The following DOK6 variants were observed in gnomAD, a reference collection of about 807,000 sequenced individuals.
DOK6 encodes downstream of tyrosine kinase 6.
DOK6 carries 22 observed loss-of-function variants against 44.0 expected under a neutral mutation model. The observed-to-expected ratio is 0.50, with a 90% CI of 0.36 to 0.71. The LOEUF (loss-of-function observed/expected upper bound fraction) is 0.71. Among genes scored for constraint, DOK6 ranks in the 30% least tolerant of loss-of-function variants. DOK6 has a pLI of 0.00. For synonymous variants in DOK6, 166 were observed against 145.5 expected, an observed-to-expected ratio of 1.14 and a Z score of -1.01; for missense variants, 340 against 416.4, an observed-to-expected ratio of 0.82 and a Z score of 1.60.
chr18:69,554,224 C>G (rs1982634487), intron 1 of DOK6, among the ~76,000 whole-genome samples: 1 of 152,076 alleles, frequency 6.6e-6, no homozygotes, highest in Admixed American at 6.6e-5. Context: ...TATCAAGAAA[C>G]AGAACTTTGT....
At chr18:69,741,881 C>T (rs1018456139) in intron 6 of DOK6, among the ~76,000 whole-genome samples, 3 of 151,920 alleles carry the variant, frequency 2.0e-5, no homozygotes, top group African/African-American at 7.3e-5. Flanking sequence ...TTTAAAATAA[C>T]AAAATTGTAA....
intron 3 of DOK6, among the ~76,000 whole-genome samples, chr18:69,600,666 CTAGTATT>C (rs1983850531): frequency 6.6e-6 from 1 of 151,838 alleles, no homozygotes; most frequent in Non-Finnish European, 1.5e-5. Flanking sequence ...CATATTAAAA[CTAGTATT>C]TAAAAAAAAA....
At chr18:69,784,716 GA>G (rs1018439193) in intron 7 of DOK6, among the ~76,000 whole-genome samples, 9 of 151,914 alleles carry the variant, frequency 5.9e-5, no homozygotes, top group Admixed American at 1.3e-4. Flanking sequence ...TCCATAGGGA[GA>G]AAAAAATCTA....
rs555907629 is a variant in DOK6 at position 69,403,229 on chromosome 18, C to T, written c.66+1919C>T. ...AGCCTGAGCATCCCCTTCCTGCGCA[C>T]TTGGCCCTGGAGTCTATAGGATTCC... On this transcript the variant is annotated intron_variant, in intron 1 of 7. Coordinates refer to ENST00000382713, the MANE Select transcript of DOK6 (RefSeq NM_152721.6). Among the ~76,000 whole-genome samples, 123 of 152,266 alleles carry T rather than the reference C, an allele frequency of 8.1e-4. 2 individuals carry two copies. The South Asian group carries it at 0.025, about 30-fold the overall frequency.
At chr18:69,449,550 TA>T (rs1390333312) in intron 1 of DOK6, among the ~76,000 whole-genome samples, 4 of 152,186 alleles carry the variant, frequency 2.6e-5, no homozygotes, top group Non-Finnish European at 5.9e-5. Context: ...TGTATGAAAA[TA>T]GCTGTGGAAG....
At chr18:69,509,637 CAAAAAAAAAAA>C (rs1183367298) in intron 1 of DOK6, among the ~76,000 whole-genome samples, 10 of 33,990 alleles carry the variant, frequency 2.9e-4, no homozygotes, top group Admixed American at 7.5e-4. Flanking sequence ...GGCTCTGTCT[CAAAAAAAAAAA>C]AAAAAAAAAA....
In DOK6 at chr18:69,455,899, C is replaced by T. The variant is rs1979621398; in HGVS notation, c.66+54589C>T. Among the ~76,000 whole-genome samples the T allele has an allele frequency of 2.0e-5, 3 of 151,830 alleles. No homozygotes were observed. The South Asian group carries it at 6.2e-4, about 32-fold the overall frequency. ...ATGACAACATTAATCTTATTTCCCC[C>T]AAAAAAGTATAAACTAGTTTGAAAT... On this transcript the variant is annotated intron_variant, in intron 1 of 7. Coordinates refer to ENST00000382713, the MANE Select transcript of DOK6 (RefSeq NM_152721.6).
chr18:69,639,997 C>G (rs1168262530), intron 3 of DOK6, among the ~76,000 whole-genome samples: 2 of 152,104 alleles, frequency 1.3e-5, no homozygotes, highest in Non-Finnish European at 2.9e-5. Context: ...ACCATGAGCA[C>G]CTTGAGCTAA....
intron 7 of DOK6, among the ~76,000 whole-genome samples, chr18:69,814,445 A>G (rs1162569069): frequency 2.0e-5 from 3 of 152,150 alleles, no homozygotes; most frequent in Admixed American, 2.0e-4. Flanking sequence ...ATCATCAGGC[A>G]TTAGATTCTC....
chr18:69,600,885 G>C (rs1257485741), intron 3 of DOK6, among the ~76,000 whole-genome samples: 2 of 152,088 alleles, frequency 1.3e-5, no homozygotes, highest in Non-Finnish European at 2.9e-5. Context: ...TTCATGTTTA[G>C]TTAATAACTT....
chr18:69,484,082 T>C (rs1218135760), intron 1 of DOK6, among the ~76,000 whole-genome samples: 2 of 152,038 alleles, frequency 1.3e-5, no homozygotes, highest in African/African-American at 2.4e-5. Context: ...GTGGATATCA[T>C]TGTGACCCTA....
At chr18:69,693,860 C>T (rs972418245) in intron 4 of DOK6, among the ~76,000 whole-genome samples, 2 of 151,500 alleles carry the variant, frequency 1.3e-5, no homozygotes, top group Non-Finnish European at 3.0e-5. Context: ...AGATCGAGAC[C>T]ATCCTGGCTA....
At chr18:69,789,747 C>T (rs1278653489) in intron 7 of DOK6, among the ~76,000 whole-genome samples, 1 of 152,096 alleles carries the variant, frequency 6.6e-6, no homozygotes, top group Non-Finnish European at 1.5e-5. Context: ...TTTTTCCAAA[C>T]CTGTCCATGG....
chr18:69,802,776 A>G (rs370360902), intron 7 of DOK6, among the ~76,000 whole-genome samples: 3 of 152,280 alleles, frequency 2.0e-5, no homozygotes, highest in East Asian at 3.9e-4. Context: ...ACAGAAGTCA[A>G]ACAGATGCTG....
At position 69,813,110 on chromosome 18, in the gene DOK6, T is replaced by A. The variant is rs1243169075; in HGVS notation, c.857-28134T>A. Among the ~76,000 whole-genome samples, 5 of 152,264 alleles carry A rather than the reference T, an allele frequency of 3.3e-5. No individual in the cohort carries two copies. In the South Asian group the frequency reaches 1.0e-3, roughly 32 times the overall value. On this transcript the variant is annotated intron_variant, in intron 7 of 7. Transcript: ENST00000382713. Reference sequence around the variant, plus strand: ...CAGATAGACAGTGTCAAGACTCTACTTCATGCCTACCTGACTTCCAAACTT... The same window carrying A: ...CAGATAGACAGTGTCAAGACTCTACATCATGCCTACCTGACTTCCAAACTT...
intron 4 of DOK6, among the ~76,000 whole-genome samples, chr18:69,685,570 A>G (rs951008826): frequency 6.6e-6 from 1 of 152,232 alleles, no homozygotes; most frequent in African/African-American, 2.4e-5. Flanking sequence ...AAACAAGGGA[A>G]TTCTGGGCTC....
intron 1 of DOK6, among the ~76,000 whole-genome samples, chr18:69,462,310 T>G (rs1040273863): frequency 1.2e-4 from 18 of 152,340 alleles, no homozygotes; most frequent in Admixed American, 9.8e-4. Flanking sequence ...CACTAACCAC[T>G]GATTAAATGA....
intron 1 of DOK6, among the ~76,000 whole-genome samples, chr18:69,515,772 G>C (rs1044057427): frequency 3.3e-5 from 5 of 152,180 alleles, no homozygotes; most frequent in Non-Finnish European, 7.3e-5. Context: ...GGAAAAATAA[G>C]TTGTGTAACA....
chr18:69,539,406 G>A (rs1018687002), intron 1 of DOK6, among the ~76,000 whole-genome samples: 1 of 149,158 alleles, frequency 6.7e-6, no homozygotes, highest in African/African-American at 2.5e-5. Context: ...GAGTTTTTTT[G>A]TGAAGATAAA....
Sources: allele counts gnomAD v4.1 joint callset (sites outside exome capture counted in the v4.1 genomes callset), GRCh38; gene constraint gnomAD v4.1.1; transcripts MANE v1.5; gene names NCBI Gene and HGNC (gene_info 2026-07-23, HGNC 2026-07-21).